Variants in SLC39A8 observed in about 807,000 individuals in gnomAD.
SLC39A8 encodes metal cation symporter ZIP8.
A neutral mutation model predicts 40.4 loss-of-function variants in SLC39A8; 15 were observed. That is an observed-to-expected ratio of 0.37 (90% CI 0.25 to 0.57). The LOEUF (loss-of-function observed/expected upper bound fraction) is 0.57. Ranked by LOEUF, SLC39A8 falls within the 20% of genes least tolerant of loss-of-function variation. SLC39A8 has a pLI of 0.75. For synonymous variants in SLC39A8, 223 were observed against 221.6 expected (o/e 1.01, Z -0.06); for missense variants, 472 against 558.8 (o/e 0.84, Z 1.57).
At chr4:102,324,653 T>G (rs1401034247) in intron 2 of SLC39A8, among the ~76,000 whole-genome samples, 1 of 152,198 alleles carries the variant, frequency 6.6e-6, no homozygotes, top group Non-Finnish European at 1.5e-5. Context: ...GCCAGGTACA[T>G]AGCAATATTA....
chr4:102,266,580 C>A (rs1732106291), intron 8 of SLC39A8, among the ~76,000 whole-genome samples: 1 of 151,994 alleles, frequency 6.6e-6, no homozygotes, highest in Admixed American at 6.6e-5. Context: ...TTAAAATGCA[C>A]AGGATATTCT....
At chr4:102,318,391 C>G (rs1174014157) in intron 2 of SLC39A8, among the ~76,000 whole-genome samples, 1 of 152,130 alleles carries the variant, frequency 6.6e-6, no homozygotes, top group African/African-American at 2.4e-5. Context: ...AGAATACGAA[C>G]AGTGCAGCAG....
At chr4:102,309,679 T>C (rs1052522941) in intron 3 of SLC39A8, among the ~76,000 whole-genome samples, 13 of 152,116 alleles carry the variant, frequency 8.5e-5, no homozygotes, top group African/African-American at 2.9e-4. Flanking sequence ...AAAGAAATTG[T>C]TAAGTGCCAA....
At chr4:102,260,430 T>A (rs1731814076), downstream of SLC39A8, among the ~76,000 whole-genome samples, 1 of 152,194 alleles carries the variant, frequency 6.6e-6, no homozygotes, top group Non-Finnish European at 1.5e-5. Flanking sequence ...CTGAAAAGGC[T>A]CTTTAAAGAG....
At chr4:102,263,475 C>T (rs1159249059) in intron 8 of SLC39A8, among the ~76,000 whole-genome samples, 1 of 152,196 alleles carries the variant, frequency 6.6e-6, no homozygotes, top group Non-Finnish European at 1.5e-5. Flanking sequence ...CTAAAAAATG[C>T]TACCAATCAT....
At chr4:102,333,843 C>A (rs972639967) in intron 2 of SLC39A8, among the ~76,000 whole-genome samples, 2 of 151,652 alleles carry the variant, frequency 1.3e-5, no homozygotes, top group Non-Finnish European at 2.9e-5. Context: ...AGATGGAAAC[C>A]TGAGGAGCAC....
intron 2 of SLC39A8, among the ~76,000 whole-genome samples, chr4:102,332,361 A>C (rs537042721): frequency 5.3e-5 from 8 of 151,822 alleles, no homozygotes; most frequent in African/African-American, 1.9e-4. Flanking sequence ...GCAAAGGATA[A>C]GAACACTTTT....
intron 2 of SLC39A8, among the ~76,000 whole-genome samples, chr4:102,317,325 T>C (rs1407850818): frequency 1.3e-5 from 2 of 152,172 alleles, no homozygotes; most frequent in Admixed American, 1.3e-4. Context: ...ACAACTACCT[T>C]ACAGAAAATG....
chr4:102,267,935 A>G lies in SLC39A8; in HGVS notation c.985T>C (p.Ser329Pro), dbSNP rs1732177121. 1 of 1,614,194 alleles carries G rather than the reference A, an allele frequency of 6.2e-7. No individual in the cohort carries two copies. ...GAAGTACTGAGTCCCTGAAGGAGAG[A>G]CAAGGTGCAGGAAGCCCCAATCGCC... Reference protein sequence around the residue: ...GLAIGASCTLSLLQGLSTSIA... With the variant: ...GLAIGASCTLPLLQGLSTSIA... Residue 329 changes from serine to proline, a missense_variant, in exon 7 of 9, where the codon TCT becomes CCT. This residue lies in a region of SLC39A8 where 239 missense variants were observed against 317.9 expected (regional missense o/e 0.75). Coordinates refer to ENST00000356736, the MANE Select transcript of SLC39A8 (RefSeq NM_001135146.2).
chr4:102,329,943 GA>G (rs373653615), intron 2 of SLC39A8, among the ~76,000 whole-genome samples: 1 of 152,226 alleles, frequency 6.6e-6, no homozygotes, highest in African/African-American at 2.4e-5. Flanking sequence ...GGGTAATAAC[GA>G]AATTAACGCA....
intron 6 of SLC39A8, among the ~76,000 whole-genome samples, chr4:102,301,721 T>C (rs916992152): frequency 1.3e-5 from 2 of 152,102 alleles, no homozygotes. Context: ...ATCTTTGTCA[T>C]GGTGCTTAGA....
intron 2 of SLC39A8, among the ~76,000 whole-genome samples, chr4:102,338,650 G>A (rs1735783829): frequency 6.6e-6 from 1 of 152,134 alleles, no homozygotes; most frequent in African/African-American, 2.4e-5. Flanking sequence ...CTAAGGTCAT[G>A]GTTGCTCTAG....
In SLC39A8 at chr4:102,301,638, T is replaced by A. The variant is rs1018537898; in HGVS notation, c.840+2679A>T. On this transcript the variant is annotated intron_variant, in intron 6 of 8. Transcript: ENST00000356736. ...GAATAAGTAAATGAAAGCATTACTG[T>A]CATAAGTGGAATAAAAACAGCCTTC... Among the ~76,000 whole-genome samples, 7 of 152,144 alleles carry A rather than the reference T, an allele frequency of 4.6e-5. No individual in the cohort carries two copies. In the South Asian group the frequency reaches 1.5e-3, roughly 32 times the overall value.
chr4:102,278,566 T>C (rs1321665080), intron 6 of SLC39A8, among the ~76,000 whole-genome samples: 3 of 150,942 alleles, frequency 2.0e-5, no homozygotes, highest in African/African-American at 7.4e-5. Flanking sequence ...TCAACCATTG[T>C]GGAAGACAGT....
intron 6 of SLC39A8, among the ~76,000 whole-genome samples, chr4:102,279,550 CA>C (rs1732781321): frequency 6.6e-6 from 1 of 152,096 alleles, no homozygotes; most frequent in Non-Finnish European, 1.5e-5. Context: ...ATGAAGATTT[CA>C]ATTGCCCTAA....
At chr4:102,289,948 G>A (rs558566007) in intron 6 of SLC39A8, among the ~76,000 whole-genome samples, 65 of 152,320 alleles carry the variant, frequency 4.3e-4, no homozygotes, top group Non-Finnish European at 8.4e-4. Flanking sequence ...TAGAGGTTCA[G>A]AGGATGGCAT....
intron 7 of SLC39A8, 36 bp downstream of exon 7, chr4:102,267,836 T>C (rs1372272658): frequency 6.2e-7 from 1 of 1,603,134 alleles, no homozygotes; most frequent in South Asian, 1.1e-5. Context: ...AATCAAGAAG[T>C]AAGCAGACTT....
chr4:102,272,566 G>A (rs1282506999), intron 6 of SLC39A8, among the ~76,000 whole-genome samples: 5 of 152,144 alleles, frequency 3.3e-5, no homozygotes, highest in Non-Finnish European at 7.3e-5. Context: ...CTGGGCGACA[G>A]AGTTAGACCT....
intron 2 of SLC39A8, among the ~76,000 whole-genome samples, chr4:102,343,343 G>A (rs1736023730): frequency 6.6e-6 from 1 of 152,126 alleles, no homozygotes; most frequent in Non-Finnish European, 1.5e-5. Flanking sequence ...TTCCCTAACT[G>A]TAATCTAAAG....
Sources: allele counts gnomAD v4.1 joint callset (sites outside exome capture counted in the v4.1 genomes callset), GRCh38; gene constraint gnomAD v4.1.1; regional missense constraint gnomAD v4.1.1; transcripts MANE v1.5; gene names NCBI Gene and HGNC (gene_info 2026-07-23, HGNC 2026-07-21).